The following RAB11FIP3 variants were observed in gnomAD, a reference collection of about 807,000 sequenced individuals.
RAB11FIP3 encodes the protein RAB11 family interacting protein 3.
A neutral mutation model predicts 77.8 loss-of-function variants in RAB11FIP3; 17 were observed. The observed-to-expected ratio is 0.22, with a 90% CI of 0.15 to 0.33. The LOEUF (loss-of-function observed/expected upper bound fraction) is 0.33, where lower values mean the gene tolerates loss of function less well. Among genes scored for constraint, RAB11FIP3 ranks in the 10% least tolerant of loss-of-function variants. The probability of loss-of-function intolerance (pLI) is 1.00; values close to 1 mark genes in which losing one functional copy is unlikely to be tolerated. For synonymous variants in RAB11FIP3, 437 were observed against 448.2 expected, an observed-to-expected ratio of 0.98 and a Z score of 0.31; for missense variants, 1,005 against 1,011.2, an observed-to-expected ratio of 0.99 and a Z score of 0.08.
chr16:455,335 G>C (rs946703478), intron 1 of RAB11FIP3, among the ~76,000 whole-genome samples: 2 of 151,774 alleles, frequency 1.3e-5, no homozygotes, highest in Non-Finnish European at 2.9e-5. Flanking sequence ...TCAGCCGGGC[G>C]TGGTGGCACG....
At chr16:441,685 C>G (rs1411086008) in intron 1 of RAB11FIP3, among the ~76,000 whole-genome samples, 2 of 152,214 alleles carry the variant, frequency 1.3e-5, no homozygotes, top group African/African-American at 4.8e-5. Flanking sequence ...CTGCTCCTTT[C>G]TTGGTCATGC....
chr16:428,278 G>T (rs1361017868), intron 1 of RAB11FIP3, among the ~76,000 whole-genome samples: 1 of 152,160 alleles, frequency 6.6e-6, no homozygotes, highest in Non-Finnish European at 1.5e-5. Flanking sequence ...CTAATGGGCA[G>T]TGAAATATGT....
In RAB11FIP3 at chr16:514,766, T is replaced by C. The variant is rs2032328208; in HGVS notation, c.1640+3966T>C. Reference sequence around the variant, plus strand: ...GAGCCCCTGGCAGGCTGCAGAGAGCTGGAGTGAAGGCTGATGGGGCCACAG... The same window carrying C: ...GAGCCCCTGGCAGGCTGCAGAGAGCCGGAGTGAAGGCTGATGGGGCCACAG... On this transcript the variant is annotated intron_variant, in intron 9 of 13. Coordinates refer to ENST00000262305, the MANE Select transcript of RAB11FIP3 (RefSeq NM_014700.4). The surrounding 1 kb of genome is among the most constrained non-coding windows in gnomAD (Gnocchi z 4.6). 6.6e-6 allele frequency among the ~76,000 whole-genome samples: 1 copy of C among 152,046 alleles called. No homozygotes were observed. The highest frequency in any genetic ancestry group is 2.4e-5 in the African/African-American group (1 of 41,398).
chr16:486,762 G>A (rs2056162944), intron 4 of RAB11FIP3, among the ~76,000 whole-genome samples: 1 of 152,192 alleles, frequency 6.6e-6, no homozygotes. Context: ...ATGGGGTGGT[G>A]AGGGGTGCTG....
At position 516,242 on chromosome 16, in the gene RAB11FIP3, G is replaced by A. The variant is rs1414752589; in HGVS notation, c.1641-2701G>A. On this transcript the variant is annotated intron_variant, in intron 9 of 13. Transcript: ENST00000262305. Reference sequence around the variant, plus strand: ...CCACTTACACCAAATTCTGGGTGTTGGTGCAGGTTGGATTGAATTAGAAGG... The same window carrying A: ...CCACTTACACCAAATTCTGGGTGTTAGTGCAGGTTGGATTGAATTAGAAGG... Among the ~76,000 whole-genome samples, 3 of 152,194 alleles carry A rather than the reference G, an allele frequency of 2.0e-5. No individual in the cohort carries two copies. The East Asian group carries it at 5.8e-4, about 29-fold the overall frequency.
At chr16:488,511 C>G (rs1218200594) in intron 4 of RAB11FIP3, among the ~76,000 whole-genome samples, 1 of 151,990 alleles carries the variant, frequency 6.6e-6, no homozygotes, top group African/African-American at 2.4e-5. Flanking sequence ...CAGGCTCAAG[C>G]GATCTTCCCA....
At chr16:430,329 G>A (rs2055016393) in intron 1 of RAB11FIP3, among the ~76,000 whole-genome samples, 1 of 152,086 alleles carries the variant, frequency 6.6e-6, no homozygotes, top group African/African-American at 2.4e-5. Context: ...GATTATAACT[G>A]TAATTTACAT....
At chr16:511,102 T>C (rs2032132136) in intron 9 of RAB11FIP3, among the ~76,000 whole-genome samples, 1 of 103,566 alleles carries the variant, frequency 9.7e-6, no homozygotes, top group Non-Finnish European at 1.9e-5. Context: ...TAGGAGAAGT[T>C]CCCCGACGGC....
intron 1 of RAB11FIP3, among the ~76,000 whole-genome samples, chr16:433,624 G>A (rs1366528686): frequency 3.3e-5 from 5 of 151,546 alleles, no homozygotes; most frequent in Non-Finnish European, 7.4e-5. Flanking sequence ...CAAGGCGGGC[G>A]GATCACGAGG....
intron 1 of RAB11FIP3, among the ~76,000 whole-genome samples, chr16:458,737 C>T (rs868597778): frequency 2.6e-5 from 4 of 152,066 alleles, no homozygotes; most frequent in Admixed American, 2.0e-4. Context: ...CAGTCCAGCC[C>T]GCCACCCAAG....
At chr16:496,675 G>A in intron 5 of RAB11FIP3, 149 bp from the exon 6 acceptor site, 2 of 722,888 alleles carry the variant, frequency 2.8e-6, no homozygotes, top group South Asian at 1.5e-5. Context: ...GTGAGCATTT[G>A]TGCATGGACT....
rs2029952433 is a variant in RAB11FIP3, at chr16:489,186, C to CT, written c.1265+188dup. ...TTTATGAAAGTTGGGAGAAGTCCCT[C>CT]TTCTCCAGCCACATCCCCAGATCAC... On this transcript the variant is annotated intron_variant, in intron 5 of 13. Coordinates refer to ENST00000262305, the MANE Select transcript of RAB11FIP3 (RefSeq NM_014700.4). 7 of 712,896 alleles carry CT rather than the reference C, an allele frequency of 9.8e-6. No individual in the cohort carries two copies. The South Asian group carries it at 1.4e-4, about 14-fold the overall frequency. The allele number at this position is 712,896 out of a possible 1,614,324, so 44.2% of individuals were successfully genotyped here. A position where few individuals can be genotyped will look rare whatever the true frequency, so the allele number is the denominator to read the frequency against.
chr16:465,836 C>G (rs898135325), intron 2 of RAB11FIP3, among the ~76,000 whole-genome samples: 1 of 152,160 alleles, frequency 6.6e-6, no homozygotes, highest in Non-Finnish European at 1.5e-5. Flanking sequence ...AACTCCTGAC[C>G]TCAGGTGATC....
At position 471,370 on chromosome 16, in the gene RAB11FIP3, A is replaced by G. The variant is rs543775153; in HGVS notation, c.884A>G (p.Asp295Gly). Residue 295 changes from aspartate to glycine, a missense_variant, in exon 3 of 14, where the codon GAT (aspartate) becomes GGT (glycine). By Grantham distance (94) the Asp-to-Gly change is moderately conservative. Transcript: ENST00000262305. This position sits in a 1 kb window ranked among gnomAD's most constrained non-coding sequence, Gnocchi z 4.4. ...EEPLACPDEF[D>G]DFVTYEANEV... The stretch of plus-strand genomic sequence containing the variant: ...CCCCTGGCCTGCCCGGACGAGTTCG[A>G]TGACTTCGTCACCTATGAGGCAAGT... 2 of 1,612,838 alleles carry G rather than the reference A, an allele frequency of 1.2e-6. No individual in the cohort carries two copies. The highest frequency in any genetic ancestry group is 1.7e-5 in the Admixed American group (1 of 59,966).
chr16:506,096 A>G lies in RAB11FIP3; in HGVS notation c.1499+469A>G, dbSNP rs2031859243. On this transcript the variant is annotated intron_variant, in intron 8 of 13. Coordinates refer to ENST00000262305, the MANE Select transcript of RAB11FIP3 (RefSeq NM_014700.4). This position sits in a 1 kb window ranked among gnomAD's most constrained non-coding sequence, Gnocchi z 4.5. Reference sequence around the variant, plus strand: ...CTGCTGAGTACGCGACAGGACGCGCAGTCTCATCGCTGTGGGCAGGAGTGC... The same window carrying G: ...CTGCTGAGTACGCGACAGGACGCGCGGTCTCATCGCTGTGGGCAGGAGTGC... Among the ~76,000 whole-genome samples the G allele has an allele frequency of 6.6e-6, 1 of 152,238 alleles. No individual in the cohort carries two copies. The highest frequency in any genetic ancestry group is 2.1e-4 in the South Asian group (1 of 4,834).
rs750514291 is a variant in RAB11FIP3 at position 520,795 on chromosome 16, G to A, written c.2227G>A (p.Val743Met). The change falls in exon 14 of 14, where the codon GTG becomes ATG. Residue 743 changes from valine (V) to methionine (M), a missense_variant. Val to Met is a conservative substitution (Grantham distance 21). This residue lies in a region of RAB11FIP3 where 90 missense variants were observed against 129.7 expected (regional missense o/e 0.69). Transcript: ENST00000262305. ...GCAGGACTACATCGACAGGATCATC[G>A]TGGCCATCATGGAGACCAACCCGTC... is the stretch of plus-strand genomic sequence containing the variant. ...RLQDYIDRII[V>M]AIMETNPSIL... The A allele has an allele frequency of 5.6e-6, 9 of 1,613,682 alleles. No individual in the cohort carries two copies. Among genetic ancestry groups the A allele is most frequent in the Non-Finnish European group, 6.8e-6 (8 of 1,180,024 alleles).
At chr16:458,679 C>G (rs976688773) in intron 1 of RAB11FIP3, among the ~76,000 whole-genome samples, 1 of 152,186 alleles carries the variant, frequency 6.6e-6, no homozygotes, top group Non-Finnish European at 1.5e-5. Context: ...TGGCTACAGC[C>G]AGGGCTCCTG....
chr16:500,953 G>A (rs927242557), intron 6 of RAB11FIP3, among the ~76,000 whole-genome samples: 2 of 152,096 alleles, frequency 1.3e-5, no homozygotes, highest in African/African-American at 4.8e-5. Context: ...TGGGGGCAAG[G>A]TCATGGGCGT....
At chr16:503,128 G>C in intron 7 of RAB11FIP3, 31 bp downstream of exon 7, 5 of 1,556,922 alleles carry the variant, frequency 3.2e-6, no homozygotes, top group Non-Finnish European at 4.4e-6. Context: ...TAGGTGGCAA[G>C]TAGGGGATTT....
Sources: allele counts gnomAD v4.1 joint callset (sites outside exome capture counted in the v4.1 genomes callset), GRCh38; gene constraint gnomAD v4.1.1; regional missense constraint gnomAD v4.1.1; non-coding constraint Gnocchi (gnomAD v3.1); transcripts MANE v1.5; gene names NCBI Gene and HGNC (gene_info 2026-07-23, HGNC 2026-07-21).